ZNF431: variants seen among roughly 807,000 people sequenced by gnomAD.
ZNF431 encodes the protein zinc finger protein 431.
ZNF431 carries 34 observed loss-of-function variants against 57.0 expected under a neutral mutation model. The observed-to-expected ratio is 0.60, with a 90% CI of 0.45 to 0.79. The LOEUF is 0.79. Among genes scored for constraint, ZNF431 ranks in the 30% least tolerant of loss-of-function variants. The pLI, the probability that ZNF431 is intolerant of heterozygous loss-of-function variation, is 0.00. For synonymous variants in ZNF431, 207 were observed against 220.3 expected (o/e 0.94, Z 0.54); for missense variants, 607 against 667.1 (o/e 0.91, Z 0.99).
intron 2 of ZNF431, among the ~76,000 whole-genome samples, chr19:21,145,456 G>C (rs543820367): frequency 6.6e-6 from 1 of 152,110 alleles, no homozygotes; most frequent in Non-Finnish European, 1.5e-5. Context: ...CAGCCTGGGC[G>C]ACAGAGCGAG....
intron 2 of ZNF431, among the ~76,000 whole-genome samples, chr19:21,148,706 A>T (rs1010311379): frequency 2.6e-5 from 4 of 152,218 alleles, no homozygotes; most frequent in Admixed American, 2.6e-4. Flanking sequence ...TTAGTAGTCA[A>T]AATTAGATGT....
intron 2 of ZNF431, among the ~76,000 whole-genome samples, chr19:21,161,306 T>A (rs1298852672): frequency 1.3e-5 from 2 of 152,192 alleles, no homozygotes; most frequent in Admixed American, 1.3e-4. Context: ...ACAAAAAAAC[T>A]TGAGCTTTAT....
chr19:21,149,116 G>T (rs1970192528), intron 2 of ZNF431, among the ~76,000 whole-genome samples: 1 of 152,106 alleles, frequency 6.6e-6, no homozygotes, highest in African/African-American at 2.4e-5. Flanking sequence ...TTTAGGATAA[G>T]AATTTACTAT....
chr19:21,180,630 C>T (rs112782340), intron 4 of ZNF431, among the ~76,000 whole-genome samples: 16 of 152,030 alleles, frequency 1.1e-4, no homozygotes, highest in Non-Finnish European at 1.9e-4. Flanking sequence ...CTAAAAGATA[C>T]AACAATGTAT....
Position 21,194,166 on chromosome 19 carries a change from G to C in ZNF431, c.*10132G>C, listed in dbSNP as rs1321084893. 6.6e-6 allele frequency: 1 copy of C among 152,076 alleles called. No homozygotes were observed. The highest frequency in any genetic ancestry group is 1.5e-5 in the Non-Finnish European group (1 of 68,004). 9.4% of individuals were successfully genotyped at this position (152,076 alleles called of 1,614,324 possible). On this transcript the variant is annotated 3_prime_UTR_variant, in exon 5 of 5. Coordinates refer to ENST00000311048, the MANE Select transcript of ZNF431 (RefSeq NM_133473.4). The stretch of plus-strand genomic sequence containing the variant: ...AAAAATGACTTCAGCAAAGTCTCAG[G>C]ATACAAAATTGATATACAAAAATGA...
rs1345225928 is a variant in ZNF431, at chr19:21,185,038, A to T, written c.*1004A>T. ...AAATTTGGAAAAACAATTTTTCAAAAACTACAGCTTAGAAATCAACAGTTA... is the reference window on the plus strand; with the variant it reads ...AAATTTGGAAAAACAATTTTTCAAATACTACAGCTTAGAAATCAACAGTTA... On this transcript the variant is annotated 3_prime_UTR_variant, in exon 5 of 5. Transcript: ENST00000311048. 6.6e-6 allele frequency: 1 copy of T among 152,214 alleles called. No individual in the cohort carries two copies. The highest frequency in any genetic ancestry group is 1.9e-4 in the East Asian group (1 of 5,200). The allele number at this position is 152,214 out of a possible 1,614,324, so 9.4% of individuals were successfully genotyped here. A position where few individuals can be genotyped will look rare whatever the true frequency, so the allele number is the denominator to read the frequency against.
intron 2 of ZNF431, among the ~76,000 whole-genome samples, chr19:21,165,110 T>G (rs1436649089): frequency 7.2e-6 from 1 of 139,196 alleles, no homozygotes; most frequent in Non-Finnish European, 1.6e-5. Flanking sequence ...AAAAAAAAAA[T>G]GTTTTCCTAT....
At chr19:21,167,254 G>A (rs1183322957) in intron 3 of ZNF431, among the ~76,000 whole-genome samples, 4 of 151,290 alleles carry the variant, frequency 2.6e-5, no homozygotes, top group African/African-American at 7.3e-5. Flanking sequence ...TCCGCCTCCC[G>A]GGTCCAAGCA....
intron 3 of ZNF431, among the ~76,000 whole-genome samples, chr19:21,166,834 T>G (rs1168698602): frequency 1.3e-5 from 2 of 152,198 alleles, no homozygotes; most frequent in Non-Finnish European, 2.9e-5. Flanking sequence ...ATGTCTCTCT[T>G]TAATCAGTAT....
rs1224127779 is a variant in ZNF431, at chr19:21,195,611, T to C, written c.*11577T>C. On this transcript the variant is annotated 3_prime_UTR_variant, in exon 5 of 5. Coordinates refer to ENST00000311048, the MANE Select transcript of ZNF431 (RefSeq NM_133473.4). ...CCTGGTATAAACAATCTTTTTTGCA[T>C]ATTGAATTCTGCATTTTTTTCTTCC... 6.6e-6 allele frequency: 1 copy of C among 152,234 alleles called. No homozygotes were observed. Among genetic ancestry groups the C allele is most frequent in the African/African-American group, 2.4e-5 (1 of 41,466 alleles). The allele number at this position is 152,234 out of a possible 1,614,324, so 9.4% of individuals were successfully genotyped here. A position where few individuals can be genotyped will look rare whatever the true frequency, so the allele number is the denominator to read the frequency against.
intron 1 of ZNF431, among the ~76,000 whole-genome samples, chr19:21,143,227 T>C (rs1403653893): frequency 1.3e-5 from 2 of 152,166 alleles, no homozygotes; most frequent in African/African-American, 4.8e-5. Flanking sequence ...TTTCAAAAAG[T>C]TTTTTAAAAG....
At chr19:21,159,367 C>A (rs1970510110) in intron 2 of ZNF431, among the ~76,000 whole-genome samples, 9 of 73,882 alleles carry the variant, frequency 1.2e-4, no homozygotes, top group Admixed American at 1.1e-3. Context: ...GTATACTATT[C>A]TTTTTGTTGT....
intron 2 of ZNF431, among the ~76,000 whole-genome samples, chr19:21,152,512 G>A (rs759535174): frequency 6.6e-6 from 1 of 152,162 alleles, no homozygotes; most frequent in Admixed American, 6.5e-5. Flanking sequence ...AAAAAGAATA[G>A]CAATGAATGT....
At chr19:21,167,150 G>A (rs901807651) in intron 3 of ZNF431, among the ~76,000 whole-genome samples, 1 of 151,406 alleles carries the variant, frequency 6.6e-6, no homozygotes, top group Non-Finnish European at 1.5e-5. Context: ...GAGCCACTGC[G>A]CCTGGCTAAA....
intron 2 of ZNF431, among the ~76,000 whole-genome samples, chr19:21,163,556 C>G (rs888938484): frequency 2.6e-5 from 4 of 152,214 alleles, no homozygotes; most frequent in Non-Finnish European, 5.9e-5. Flanking sequence ...GAGTCTCGCT[C>G]TGTCACCCAG....
chr19:21,143,842 T>G (rs1171990193), intron 2 of ZNF431, among the ~76,000 whole-genome samples, 199 bp downstream of exon 2: 2 of 151,332 alleles, frequency 1.3e-5, no homozygotes, highest in Non-Finnish European at 2.9e-5. Flanking sequence ...AGTGAAAAAT[T>G]TGTGACAGAT....
At chr19:21,170,740 C>T (rs1970864422) in intron 4 of ZNF431, among the ~76,000 whole-genome samples, 1 of 151,584 alleles carries the variant, frequency 6.6e-6, no homozygotes, top group Non-Finnish European at 1.5e-5. Context: ...GTGGCATGAT[C>T]TCAGCTCACT....
intron 4 of ZNF431, among the ~76,000 whole-genome samples, chr19:21,176,711 T>A (rs571313655): frequency 4.6e-5 from 7 of 152,302 alleles, no homozygotes; most frequent in African/African-American, 7.2e-5. Flanking sequence ...TTATTTATTT[T>A]TTTTCAGACA....
At chr19:21,172,988 A>G (rs1970949699) in intron 4 of ZNF431, among the ~76,000 whole-genome samples, 1 of 152,200 alleles carries the variant, frequency 6.6e-6, no homozygotes, top group Admixed American at 6.5e-5. Context: ...TACTTAAGCT[A>G]TCTCATATAA....
Sources: gnomAD v4.1 joint callset for allele counts (sites outside exome capture counted in the v4.1 genomes callset) on GRCh38, gnomAD v4.1.1 for gene constraint, MANE v1.5 for transcripts, NCBI Gene and HGNC (gene_info 2026-07-23, HGNC 2026-07-21) for gene names.